Variants in COQ10B observed in about 807,000 individuals in gnomAD.
COQ10B encodes coenzyme Q-binding protein COQ10 homolog B, mitochondrial.
A neutral mutation model predicts 27.6 loss-of-function variants in COQ10B; 12 were observed. The ratio of observed to expected loss-of-function variants is 0.43; its 90% CI spans 0.28 to 0.70. COQ10B has a LOEUF of 0.70. COQ10B is among the 30% of genes least tolerant of loss of function. The pLI is 0.17. For missense variants in COQ10B, 278 were observed against 288.7 expected (o/e 0.96, Z 0.27); for synonymous variants, 115 against 103.0 (o/e 1.12, Z -0.71).
intron 3 of COQ10B, among the ~76,000 whole-genome samples, chr2:197,464,004 C>T (rs1393055852): frequency 2.9e-4 from 31 of 107,478 alleles, no homozygotes; most frequent in Non-Finnish European, 3.9e-4. Flanking sequence ...TATACACACA[C>T]ACACACACAC....
intron 1 of COQ10B, among the ~76,000 whole-genome samples, chr2:197,454,997 T>G (rs2085680834): frequency 6.6e-6 from 1 of 152,160 alleles, no homozygotes; most frequent in African/African-American, 2.4e-5. Flanking sequence ...TGGCAGTGCA[T>G]GAAAATAGAT....
At chr2:197,466,781 G>A (rs890365515) in intron 3 of COQ10B, among the ~76,000 whole-genome samples, 2 of 151,802 alleles carry the variant, frequency 1.3e-5, no homozygotes, top group African/African-American at 4.8e-5. Flanking sequence ...ATTCACACTT[G>A]CATGTGTCTG....
At position 197,453,658 on chromosome 2, in the gene COQ10B, A is replaced by G. The variant is rs745419604; in HGVS notation, c.98A>G (p.Asn33Ser). 18 of 1,613,110 alleles carry G rather than the reference A, an allele frequency of 1.1e-5. No individual in the cohort carries two copies. In the Admixed American group the frequency reaches 2.7e-4, roughly 24 times the overall value. The change falls in exon 1 of 5, where the codon AAT becomes AGT. Residue 33 changes from asparagine to serine, a missense_variant. By Grantham distance (46) the Asn-to-Ser change is conservative. This residue lies in a region of COQ10B where 183 missense variants were observed against 158.2 expected (regional missense o/e 1.16). Transcript: ENST00000263960. ...TAAGAQAPVR[N>S]GRYLASCGIL... ...GCCGGGGCGCAGGCGCCCGTGCGGA[A>G]TGGCAGGTAATCAACAGCGGGGGCG...
At chr2:197,469,276 C>G (rs998019121) in intron 3 of COQ10B, among the ~76,000 whole-genome samples, 19 of 152,222 alleles carry the variant, frequency 1.2e-4, no homozygotes, top group Non-Finnish European at 7.3e-5. Context: ...ATAATCATAG[C>G]TTACTGCAGC....
In COQ10B at chr2:197,473,956, G is replaced by T; in HGVS notation, c.*32G>T. The stretch of plus-strand genomic sequence containing the variant: ...AAAAGAACTGGTGCCACCTGCTTCT[G>T]ACTTTAGTTTGTTCACTTTTAGGAA... On this transcript the variant is annotated 3_prime_UTR_variant, in exon 5 of 5. Coordinates refer to ENST00000263960, the MANE Select transcript of COQ10B (RefSeq NM_025147.5). 6.9e-7 allele frequency: 1 copy of T among 1,440,128 alleles called. No homozygotes were observed. Among genetic ancestry groups the T allele is most frequent in the South Asian group, 1.6e-5 (1 of 63,564 alleles). The allele number at this position is 1,440,128 out of a possible 1,614,324, so 89.2% of individuals were successfully genotyped here.
chr2:197,468,647 C>T (rs1028710665), intron 3 of COQ10B, among the ~76,000 whole-genome samples: 1 of 152,026 alleles, frequency 6.6e-6, no homozygotes, highest in Non-Finnish European at 1.5e-5. Context: ...ATTACCTGTG[C>T]ACTTTAGGAA....
chr2:197,467,098 C>CA (rs1256499533), intron 3 of COQ10B, among the ~76,000 whole-genome samples: 3 of 151,812 alleles, frequency 2.0e-5, no homozygotes, highest in Admixed American at 6.6e-5. Flanking sequence ...AGGCACGTGC[C>CA]ACCACACTGA....
At chr2:197,472,856 G>A (rs1374364765) in intron 4 of COQ10B, among the ~76,000 whole-genome samples, 1 of 151,720 alleles carries the variant, frequency 6.6e-6, no homozygotes. Context: ...CTGCCCTGTG[G>A]GTTAGGCACA....
At position 197,462,630 on chromosome 2, in the gene COQ10B, A is replaced by G. The variant is rs756885632; in HGVS notation, c.346A>G (p.Lys116Glu). ...GTGCAAAAAATCAGATGTTATATCA[A>G]AGAGATCTGGATATTGTAAAACAAG... is the stretch of plus-strand genomic sequence containing the variant. The part of the protein sequence containing the change: ...PWCKKSDVIS[K>E]RSGYCKTRLE... Residue 116 changes from lysine (K) to glutamate (E), a missense_variant, in exon 3 of 5, where the codon AAG becomes GAG. Around this residue, in one of 3 missense-constraint regions of COQ10B, gnomAD observed 183 missense variants for 158.2 expected, o/e 1.16. Transcript: ENST00000263960. 1.2e-6 allele frequency: 2 copies of G among 1,601,736 alleles called. No individual in the cohort carries two copies. Among genetic ancestry groups the G allele is most frequent in the Non-Finnish European group, 8.5e-7 (1 of 1,171,628 alleles).
At chr2:197,461,594 T>A (rs988108112) in intron 2 of COQ10B, among the ~76,000 whole-genome samples, 46 of 133,370 alleles carry the variant, frequency 3.4e-4, no homozygotes, top group Admixed American at 7.5e-5. Flanking sequence ...TGTGTGTGTG[T>A]GAGGGAGGGA....
At chr2:197,473,415 AAT>A (rs1161758409) in intron 4 of COQ10B, among the ~76,000 whole-genome samples, 782 of 59,372 alleles carry the variant, frequency 0.013, 16 homozygotes, top group East Asian at 0.029. Flanking sequence ...AAAAAAAAAA[AAT>A]ATATATATAT....
At chr2:197,465,924 T>G (rs1249685391) in intron 3 of COQ10B, among the ~76,000 whole-genome samples, 1 of 151,918 alleles carries the variant, frequency 6.6e-6, no homozygotes, top group Non-Finnish European at 1.5e-5. Context: ...AAACCCCATC[T>G]CTACTAAAAA....
At chr2:197,465,152 T>G (rs1166530655) in intron 3 of COQ10B, among the ~76,000 whole-genome samples, 1 of 152,202 alleles carries the variant, frequency 6.6e-6, no homozygotes, top group Non-Finnish European at 1.5e-5. Flanking sequence ...CCCAAAGTGC[T>G]GGGATTACAG....
intron 2 of COQ10B, among the ~76,000 whole-genome samples, chr2:197,461,796 A>G (rs1574580921): frequency 6.6e-6 from 1 of 151,984 alleles, no homozygotes; most frequent in African/African-American, 2.4e-5. Flanking sequence ...GTGTGCCACC[A>G]CACCTGGCTA....
In COQ10B at chr2:197,454,290, G is replaced by C. The variant is rs1197856066; in HGVS notation, c.104+626G>C. ...AGGTGGGGGTGGAGATGGAGGTCGG[G>C]ACACGGATACCATACTTGTACGACT... On this transcript the variant is annotated intron_variant, in intron 1 of 4. Transcript: ENST00000263960. 3.3e-5 allele frequency: 20 copies of C among 608,722 alleles called. No homozygotes were observed. The East Asian group carries it at 5.9e-4, about 18-fold the overall frequency. 37.7% of individuals were successfully genotyped at this position (608,722 alleles called of 1,614,324 possible). A position where few individuals can be genotyped will look rare whatever the true frequency, so the allele number is the denominator to read the frequency against.
At chr2:197,454,593 T>C (rs1389284024) in intron 1 of COQ10B, among the ~76,000 whole-genome samples, 1 of 152,066 alleles carries the variant, frequency 6.6e-6, no homozygotes, top group Non-Finnish European at 1.5e-5. Context: ...AATCATAAAA[T>C]TACTCCTGCT....
intron 3 of COQ10B, among the ~76,000 whole-genome samples, chr2:197,463,417 G>T (rs1000493945): frequency 1.3e-5 from 2 of 151,818 alleles, no homozygotes; most frequent in East Asian, 3.9e-4. Flanking sequence ...GTTGCAGTGT[G>T]CCGAGATAGT....
intron 3 of COQ10B, among the ~76,000 whole-genome samples, chr2:197,466,643 A>C (rs1275333212): frequency 2.0e-5 from 3 of 152,158 alleles, no homozygotes; most frequent in Non-Finnish European, 4.4e-5. Context: ...TCTTAGAGTA[A>C]ACTTTCAGCA....
chr2:197,468,442 C>CAAA (rs760008326), intron 3 of COQ10B, among the ~76,000 whole-genome samples: 4 of 63,936 alleles, frequency 6.3e-5, no homozygotes, highest in African/African-American at 6.5e-5. Context: ...GACTCCGTCT[C>CAAA]AAAAAAAAAA....
Sources: allele counts gnomAD v4.1 joint callset (sites outside exome capture counted in the v4.1 genomes callset), GRCh38; gene constraint gnomAD v4.1.1; regional missense constraint gnomAD v4.1.1; transcripts MANE v1.5; gene names NCBI Gene and HGNC (gene_info 2026-07-23, HGNC 2026-07-21).